Variants in PARD3B observed in about 807,000 individuals in gnomAD.
PARD3B encodes the protein partitioning defective 3 homolog B.
PARD3B carries 103 observed loss-of-function variants against 130.2 expected under a neutral mutation model. The ratio of observed to expected loss-of-function variants is 0.79; its 90% CI spans 0.67 to 0.93. The LOEUF (loss-of-function observed/expected upper bound fraction) is 0.93, where lower values mean the gene tolerates loss of function less well. PARD3B is among the 40% of genes least tolerant of loss of function. PARD3B has a pLI of 0.00. For synonymous variants in PARD3B, 583 were observed against 553.2 expected, an observed-to-expected ratio of 1.05 and a Z score of -0.76; for missense variants, 1,609 against 1,499.2, an observed-to-expected ratio of 1.07 and a Z score of -1.21.
At chr2:204,912,646 T>C (rs1173982775) in intron 2 of PARD3B, among the ~76,000 whole-genome samples, 1 of 152,152 alleles carries the variant, frequency 6.6e-6, no homozygotes. Context: ...CACAGTGTGT[T>C]TGCCTGTCGA....
At chr2:205,090,169 G>A (rs1702017598) in intron 4 of PARD3B, among the ~76,000 whole-genome samples, 1 of 152,236 alleles carries the variant, frequency 6.6e-6, no homozygotes, top group Non-Finnish European at 1.5e-5. Context: ...CATTAAAAGT[G>A]TGAGGTTGCC....
chr2:205,604,744 T>G (rs2054921956), intron 22 of PARD3B, among the ~76,000 whole-genome samples: 1 of 152,164 alleles, frequency 6.6e-6, no homozygotes, highest in Admixed American at 6.5e-5. Flanking sequence ...TGAATTTAAG[T>G]GTTGTCCTGT....
chr2:205,453,764 A>G (rs2048181759), intron 20 of PARD3B, among the ~76,000 whole-genome samples: 1 of 152,204 alleles, frequency 6.6e-6, no homozygotes, highest in Admixed American at 6.5e-5. Flanking sequence ...AAAAAGAAAG[A>G]GCATTACATA....
intron 18 of PARD3B, among the ~76,000 whole-genome samples, chr2:205,326,673 G>A (rs2042950463): frequency 6.6e-6 from 1 of 152,072 alleles, no homozygotes; most frequent in South Asian, 2.1e-4. Context: ...ATGATTAAAA[G>A]GTAATTAAAT....
chr2:204,625,972 A>G (rs1013366910), intron 1 of PARD3B, among the ~76,000 whole-genome samples: 76 of 152,310 alleles, frequency 5.0e-4, no homozygotes, highest in Middle Eastern at 3.4e-3. Flanking sequence ...TTGAATTACC[A>G]TGGAGTAGGA....
chr2:205,618,062 T>G lies in PARD3B; in HGVS notation c.*2249T>G, dbSNP rs2055491135. On this transcript the variant is annotated 3_prime_UTR_variant, in exon 23 of 23. Coordinates refer to ENST00000406610, the MANE Select transcript of PARD3B (RefSeq NM_001302769.2). ...CGTTGCCACCAGAGTGTGCAATACC[T>G]CCTGCACACAGGCTCAGGGTAAACT... 6.6e-6 allele frequency: 1 copy of G among 152,158 alleles called. No individual in the cohort carries two copies. Among genetic ancestry groups the G allele is most frequent in the African/African-American group, 2.4e-5 (1 of 41,426 alleles). 9.4% of individuals were successfully genotyped at this position (152,158 alleles called of 1,614,324 possible). A position where few individuals can be genotyped will look rare whatever the true frequency, so the allele number is the denominator to read the frequency against.
intron 10 of PARD3B, among the ~76,000 whole-genome samples, chr2:205,126,138 C>T (rs59341619): frequency 3.9e-5 from 6 of 151,952 alleles, no homozygotes; most frequent in Non-Finnish European, 5.9e-5. Context: ...TTCAAAATGG[C>T]GATGAAGATT....
At chr2:205,345,185 G>GA (rs1432867720) in intron 18 of PARD3B, among the ~76,000 whole-genome samples, 2 of 152,146 alleles carry the variant, frequency 1.3e-5, no homozygotes. Flanking sequence ...GGAGCCTTCA[G>GA]AAGTGAAGAC....
At chr2:205,295,728 AG>A (rs1184197585) in intron 16 of PARD3B, among the ~76,000 whole-genome samples, 1 of 152,164 alleles carries the variant, frequency 6.6e-6, no homozygotes, top group Non-Finnish European at 1.5e-5. Context: ...TTAATGCTAA[AG>A]TGGGAAGTTC....
At position 204,610,103 on chromosome 2, in the gene PARD3B, T is replaced by C. The variant is rs2033868894; in HGVS notation, c.120+63984T>C. Among the ~76,000 whole-genome samples, 1 of 152,066 alleles carries C rather than the reference T, an allele frequency of 6.6e-6. No individual in the cohort carries two copies. The highest frequency in any genetic ancestry group is 2.1e-4 in the South Asian group (1 of 4,816). On this transcript the variant is annotated intron_variant, in intron 1 of 22. Transcript: ENST00000406610. This position sits in a 1 kb window ranked among gnomAD's most constrained non-coding sequence, Gnocchi z 4.1. ...AATGTTAATGCTGGCCAGTTATGCC[T>C]AAACTCCCAGAGAGAAGAGGTTTAA...
chr2:204,630,746 ATG>A (rs1432400593), intron 1 of PARD3B, among the ~76,000 whole-genome samples: 1 of 152,074 alleles, frequency 6.6e-6, no homozygotes, highest in Admixed American at 6.5e-5. Context: ...TTTATAGTTT[ATG>A]TGTATAGAGA....
intron 15 of PARD3B, among the ~76,000 whole-genome samples, chr2:205,228,714 G>C (rs1014697384): frequency 3.3e-5 from 5 of 151,992 alleles, no homozygotes; most frequent in African/African-American, 4.8e-5. Flanking sequence ...CTCTCTCTCT[G>C]CCTCCTCTTT....
At chr2:205,443,970 C>T (rs1285681354) in intron 20 of PARD3B, among the ~76,000 whole-genome samples, 2 of 152,084 alleles carry the variant, frequency 1.3e-5, no homozygotes, top group Non-Finnish European at 2.9e-5. Flanking sequence ...AAGACCCCAT[C>T]TCTATAAAAT....
At chr2:204,904,049 G>A (rs753713273) in intron 2 of PARD3B, among the ~76,000 whole-genome samples, 12 of 152,094 alleles carry the variant, frequency 7.9e-5, no homozygotes, top group Non-Finnish European at 1.6e-4. Context: ...TCCCATCAGA[G>A]TATATTGCAC....
chr2:204,633,709 G>A (rs1478121481), intron 1 of PARD3B, among the ~76,000 whole-genome samples: 1 of 152,186 alleles, frequency 6.6e-6, no homozygotes, highest in Non-Finnish European at 1.5e-5. Context: ...CTACTTGGGA[G>A]TCTGAGGCAG....
intron 2 of PARD3B, among the ~76,000 whole-genome samples, chr2:204,909,215 A>G (rs566769045): frequency 1.3e-5 from 2 of 152,336 alleles, no homozygotes; most frequent in East Asian, 3.9e-4. Flanking sequence ...TAATTTGGCT[A>G]TAAAATTGAA....
intron 3 of PARD3B, among the ~76,000 whole-genome samples, chr2:204,996,402 G>A (rs1270771340): frequency 6.6e-6 from 1 of 152,144 alleles, no homozygotes; most frequent in Admixed American, 6.5e-5. Flanking sequence ...CAGGGGTCAG[G>A]GGTCAGGGAC....
At chr2:205,559,667 C>A (rs1198335118) in intron 22 of PARD3B, among the ~76,000 whole-genome samples, 1 of 141,934 alleles carries the variant, frequency 7.0e-6, no homozygotes, top group Non-Finnish European at 1.5e-5. Context: ...GGTGTGATCT[C>A]GGCTCACCGC....
rs370446544 is a variant in PARD3B at position 205,380,602 on chromosome 2, GAA to G, written c.2631-20410_2631-20409del. On this transcript the variant is annotated intron_variant, in intron 18 of 22. Transcript: ENST00000406610. Reference sequence around the variant, plus strand: ...ATATATATTATATATAATATATAAAGAATATATATTATATATATTATATAAAG... The same window carrying G: ...ATATATATTATATATAATATATAAAGTATATATTATATATATTATATAAAG... Among the ~76,000 whole-genome samples the G allele has an allele frequency of 7.4e-4, 17 of 22,944 alleles. 2 individuals are homozygous for G. The highest frequency in any genetic ancestry group is 2.2e-3 in the African/African-American group (16 of 7,140). 15.1% of individuals were successfully genotyped at this position (22,944 alleles called of 152,430 possible). A position where few individuals can be genotyped will look rare whatever the true frequency, so the allele number is the denominator to read the frequency against.
Sources: gnomAD v4.1 joint callset for allele counts (sites outside exome capture counted in the v4.1 genomes callset) on GRCh38, gnomAD v4.1.1 for gene constraint, Gnocchi (gnomAD v3.1) non-coding constraint, MANE v1.5 for transcripts, NCBI Gene and HGNC (gene_info 2026-07-23, HGNC 2026-07-21) for gene names.